Variants in DHX15 observed in about 807,000 individuals in gnomAD.
DHX15 encodes the protein ATP-dependent RNA helicase DHX15.
DHX15 carries 11 observed loss-of-function variants against 94.4 expected under a neutral mutation model. That is an observed-to-expected ratio of 0.12 (90% CI 0.07 to 0.19). DHX15 has a LOEUF of 0.19. Among genes scored for constraint, DHX15 ranks in the 10% least tolerant of loss-of-function variants. The probability of loss-of-function intolerance (pLI) is 1.00; values close to 1 mark genes in which losing one functional copy is unlikely to be tolerated. For synonymous variants in DHX15, 338 were observed against 329.9 expected (o/e 1.02, Z -0.27); for missense variants, 304 against 988.5 (o/e 0.31, Z 9.29).
chr4:24,538,362 TAATA>T (rs1226825999), intron 10 of DHX15: 2 of 152,096 alleles, frequency 1.3e-5, no homozygotes, highest in Non-Finnish European at 2.9e-5. Flanking sequence ...AACATGATCA[TAATA>T]AATATTAAAA....
chr4:24,537,190 T>G lies in DHX15; in HGVS notation c.1787-17A>C. On this transcript the variant is annotated splice_polypyrimidine_tract_variant and intron_variant, in intron 10 of 13. Transcript: ENST00000336812. The surrounding 1 kb of genome is among the most constrained non-coding windows in gnomAD (Gnocchi z 4.7). ...ACTGTGGGACTAAACAAGGTTGGTA[T>G]GGGCCCAACACAAACGCCCATATCG... is the stretch of plus-strand genomic sequence containing the variant. The G allele has an allele frequency of 6.2e-7, 1 of 1,613,504 alleles. No homozygotes were observed. The highest frequency in any genetic ancestry group is 8.5e-7 in the Non-Finnish European group (1 of 1,179,656).
chr4:24,529,536 A>C, intron 13 of DHX15, 65 bp downstream of exon 13: 1 of 1,409,088 alleles, frequency 7.1e-7, no homozygotes, highest in African/African-American at 1.4e-5. Context: ...TGACTCTAGC[A>C]ACAGTCAGGT....
Position 24,577,611 on chromosome 4 carries a change from T to C in DHX15, c.72-933A>G, listed in dbSNP as rs559874037. 8.9e-4 allele frequency among the ~76,000 whole-genome samples: 136 copies of C among 152,258 alleles called. 2 individuals are homozygous for C. The highest frequency in any genetic ancestry group is 3.1e-3 in the African/African-American group (130 of 41,546). On this transcript the variant is annotated intron_variant, in intron 1 of 13. Transcript: ENST00000336812. ...TAAAATTATGCAGGTAGCCACTCTA[T>C]TAAACCTGGGTCAATTTTAAGTAGT...
intron 12 of DHX15, among the ~76,000 whole-genome samples, chr4:24,531,132 A>G (rs1164151962): frequency 6.7e-6 from 1 of 149,882 alleles, no homozygotes; most frequent in African/African-American, 2.5e-5. Context: ...TCTGTCGCCC[A>G]GGCTGGAGTG....
At position 24,527,871 on chromosome 4, in the gene DHX15, T is replaced by G. The variant is rs1436783700; in HGVS notation, c.*53A>C. The stretch of plus-strand genomic sequence containing the variant: ...AAGAGCACAACTCGAACTTTTGAGT[T>G]CATTCATCTTTTAAAGCTGTCCTCT... On this transcript the variant is annotated 3_prime_UTR_variant, in exon 14 of 14. Coordinates refer to ENST00000336812, the MANE Select transcript of DHX15 (RefSeq NM_001358.3). 1.5e-6 allele frequency: 2 copies of G among 1,331,368 alleles called. No homozygotes were observed. The highest frequency in any genetic ancestry group is 4.6e-5 in the East Asian group (2 of 43,390). 82.5% of individuals were successfully genotyped at this position (1,331,368 alleles called of 1,614,324 possible).
At chr4:24,542,132 C>G (rs1721324411) in intron 7 of DHX15, 110 bp from the exon 8 acceptor site, 2 of 917,548 alleles carry the variant, frequency 2.2e-6, no homozygotes, top group Non-Finnish European at 3.2e-6. Context: ...AAAGAAATAT[C>G]GATAGCCATA....
intron 1 of DHX15, 132 bp from the exon 2 acceptor site, chr4:24,576,810 AAAT>A (rs1722278524): frequency 3.9e-6 from 5 of 1,295,472 alleles, no homozygotes; most frequent in South Asian, 1.6e-5. Context: ...TAACTATCAG[AAAT>A]AATAAAAAAT....
At chr4:24,546,966 G>C (rs957875494) in intron 6 of DHX15, among the ~76,000 whole-genome samples, 3 of 152,076 alleles carry the variant, frequency 2.0e-5, no homozygotes, top group Admixed American at 6.6e-5. Flanking sequence ...AATTACATAT[G>C]AACAGTAAAA....
intron 1 of DHX15, among the ~76,000 whole-genome samples, chr4:24,582,825 T>G (rs1237846554): frequency 6.6e-6 from 1 of 152,200 alleles, no homozygotes; most frequent in Admixed American, 6.5e-5. Flanking sequence ...TCAGAGGTAT[T>G]AACGTTTTGT....
chr4:24,580,938 A>C (rs1182635236), intron 1 of DHX15: 1 of 152,188 alleles, frequency 6.6e-6, no homozygotes, highest in Non-Finnish European at 1.5e-5. Flanking sequence ...CAAGTGGAAA[A>C]CTACCTAAAT....
At chr4:24,556,482 G>T in intron 3 of DHX15, 72 bp from the exon 4 acceptor site, 1 of 1,227,002 alleles carries the variant, frequency 8.1e-7, no homozygotes, top group Non-Finnish European at 1.1e-6. Context: ...TGACAAAAAT[G>T]AAATGCAAAG....
chr4:24,554,688 G>A, intron 5 of DHX15, 37 bp downstream of exon 5: 2 of 1,531,602 alleles, frequency 1.3e-6, no homozygotes, highest in Middle Eastern at 1.7e-4. Flanking sequence ...GAAACAGTAT[G>A]TCAAAAGCTA....
chr4:24,567,465 T>C (rs1357649286), intron 3 of DHX15, among the ~76,000 whole-genome samples: 16 of 151,662 alleles, frequency 1.1e-4, no homozygotes, highest in Admixed American at 9.2e-4. Context: ...TAATCTCAGC[T>C]ACTTGGGAGG....
chr4:24,572,292 G>GC (rs1722140981), intron 2 of DHX15, among the ~76,000 whole-genome samples: 1 of 152,068 alleles, frequency 6.6e-6, no homozygotes. Flanking sequence ...GTGCCACCAC[G>GC]CCTGGCTAAT....
intron 1 of DHX15, among the ~76,000 whole-genome samples, chr4:24,582,873 AGTCT>A (rs1560778930): frequency 6.6e-6 from 1 of 152,162 alleles, no homozygotes; most frequent in East Asian, 1.9e-4. Context: ...GCCTAAAGAG[AGTCT>A]GTCTTACAAT....
At chr4:24,555,949 G>C (rs1334171272) in intron 4 of DHX15, among the ~76,000 whole-genome samples, 3 of 151,602 alleles carry the variant, frequency 2.0e-5, no homozygotes, top group African/African-American at 7.3e-5. Context: ...AGTAAAATAA[G>C]CCTCTGTACT....
At chr4:24,531,266 T>G (rs915392710) in intron 12 of DHX15, among the ~76,000 whole-genome samples, 1 of 151,794 alleles carries the variant, frequency 6.6e-6, no homozygotes, top group Non-Finnish European at 1.5e-5. Context: ...TTTTTTGTAT[T>G]TTTAGTAGAG....
Position 24,556,395 on chromosome 4 carries a change from C to T in DHX15, c.717G>A (p.Gly239=), listed in dbSNP as rs758403710. 5.6e-6 allele frequency: 9 copies of T among 1,613,274 alleles called. No individual in the cohort carries two copies. The highest frequency in any genetic ancestry group is 7.6e-6 in the Non-Finnish European group (9 of 1,179,542). Residue 239 remains glycine, a synonymous_variant, in exon 4 of 14, where the codon GGG becomes GGA. Transcript: ENST00000336812. ...AKTILKYMTD[G]MLLREAMNDP... ...CATTCATAGCTTCACGAAGTAACATCCCATCAGTCATATACCTATATTCCA... is the reference window on the plus strand; with the variant it reads ...CATTCATAGCTTCACGAAGTAACATTCCATCAGTCATATACCTATATTCCA...
chr4:24,563,139 A>AAT (rs1721918851), intron 3 of DHX15: 1 of 150,784 alleles, frequency 6.6e-6, no homozygotes, highest in South Asian at 2.1e-4. Context: ...CATATAAAGA[A>AAT]ATATATATAA....
Sources: gnomAD v4.1 joint callset for allele counts (sites outside exome capture counted in the v4.1 genomes callset) on GRCh38, gnomAD v4.1.1 for gene constraint, Gnocchi (gnomAD v3.1) non-coding constraint, MANE v1.5 for transcripts, NCBI Gene and HGNC (gene_info 2026-07-23, HGNC 2026-07-21) for gene names.